Variants in VAV3 observed in about 807,000 individuals in gnomAD.
VAV3 encodes the protein vav guanine nucleotide exchange factor 3.
VAV3 carries 94 observed loss-of-function variants against 131.2 expected under a neutral mutation model. The ratio of observed to expected loss-of-function variants is 0.72; its 90% CI spans 0.61 to 0.85. The LOEUF (loss-of-function observed/expected upper bound fraction) is 0.85. Among genes scored for constraint, VAV3 ranks in the 40% least tolerant of loss-of-function variants. VAV3 has a pLI of 0.00. For synonymous variants in VAV3, 349 were observed against 342.0 expected (o/e 1.02, Z -0.22); for missense variants, 939 against 1,002.7 (o/e 0.94, Z 0.86).
chr1:107,957,623 G>C (rs1436937944), intron 1 of VAV3, among the ~76,000 whole-genome samples: 1 of 152,006 alleles, frequency 6.6e-6, no homozygotes, highest in East Asian at 1.9e-4. Flanking sequence ...TTTCAATAAA[G>C]AGAAGCCAGC....
intron 8 of VAV3, 143 bp from the exon 9 acceptor site, chr1:107,765,318 CAT>C: frequency 1.5e-6 from 1 of 659,220 alleles, no homozygotes; most frequent in Non-Finnish European, 2.7e-6. Context: ...ATACATACCA[CAT>C]ACACAGTCAT....
chr1:107,943,134 T>C (rs893645430), intron 1 of VAV3, among the ~76,000 whole-genome samples: 1 of 152,216 alleles, frequency 6.6e-6, no homozygotes, highest in Non-Finnish European at 1.5e-5. Flanking sequence ...CCAGATCTCC[T>C]ACTCTTAGAG....
At position 107,791,056 on chromosome 1, in the gene VAV3, T is replaced by C. The variant is rs188052583; in HGVS notation, c.322-11564A>G. 1.2e-4 allele frequency among the ~76,000 whole-genome samples: 18 copies of C among 152,238 alleles called. No individual in the cohort carries two copies. In the East Asian group the frequency reaches 3.5e-3, roughly 29 times the overall value. Reference sequence around the variant, plus strand: ...AAACAGGGAAAGATGCTGAGTTCTATACATCGATAGTCTCACCAAAGTTTG... The same window carrying C: ...AAACAGGGAAAGATGCTGAGTTCTACACATCGATAGTCTCACCAAAGTTTG... On this transcript the variant is annotated intron_variant, in intron 2 of 26. Transcript: ENST00000370056.
intron 19 of VAV3, 43 bp downstream of exon 19, chr1:107,683,443 ACT>A (rs1409586119): frequency 6.2e-7 from 1 of 1,606,906 alleles, no homozygotes; most frequent in Admixed American, 1.7e-5. Context: ...TTTCATAAGC[ACT>A]TAGCTGAAGC....
chr1:107,871,541 T>G (rs1293257972), intron 2 of VAV3, among the ~76,000 whole-genome samples: 1 of 152,082 alleles, frequency 6.6e-6, no homozygotes, highest in Admixed American at 6.6e-5. Context: ...CAAACTGTTC[T>G]AATTTTTGTT....
chr1:107,754,867 G>A (rs1484512769), intron 12 of VAV3, among the ~76,000 whole-genome samples: 1 of 152,154 alleles, frequency 6.6e-6, no homozygotes, highest in African/African-American at 2.4e-5. Flanking sequence ...CTAGGTCTCA[G>A]TTCAAATGAC....
intron 1 of VAV3, among the ~76,000 whole-genome samples, chr1:107,894,961 A>G (rs1436764373): frequency 6.6e-6 from 1 of 152,178 alleles, no homozygotes; most frequent in African/African-American, 2.4e-5. Flanking sequence ...AAGGTGCTAT[A>G]AATTGTTTAC....
intron 2 of VAV3, among the ~76,000 whole-genome samples, chr1:107,806,343 C>G (rs766593312): frequency 1.3e-5 from 2 of 152,016 alleles, no homozygotes; most frequent in Non-Finnish European, 2.9e-5. Flanking sequence ...AAGTTATAGT[C>G]TACCATCTGC....
intron 2 of VAV3, among the ~76,000 whole-genome samples, chr1:107,852,617 T>A (rs1669276245): frequency 6.6e-6 from 1 of 152,226 alleles, no homozygotes; most frequent in South Asian, 2.1e-4. Flanking sequence ...TTTATGAAGT[T>A]CTGAAAACTC....
chr1:107,870,005 G>A (rs528961973), intron 2 of VAV3, among the ~76,000 whole-genome samples: 15 of 152,110 alleles, frequency 9.9e-5, no homozygotes, highest in Middle Eastern at 3.4e-3. Flanking sequence ...GTAGTATTCC[G>A]TCATATATAC....
chr1:107,757,426 T>A, intron 10 of VAV3, 97 bp from the exon 11 acceptor site: 1 of 1,057,894 alleles, frequency 9.5e-7, no homozygotes, highest in Non-Finnish European at 1.3e-6. Context: ...TTATTGGTTT[T>A]CTCTCTATAA....
chr1:107,908,203 A>G (rs1214686570), intron 1 of VAV3, among the ~76,000 whole-genome samples: 1 of 152,232 alleles, frequency 6.6e-6, no homozygotes, highest in African/African-American at 2.4e-5. Flanking sequence ...AAGTAAGAAC[A>G]CTGGAGAGAA....
intron 19 of VAV3, among the ~76,000 whole-genome samples, chr1:107,665,837 C>G (rs1475929050): frequency 4.6e-5 from 7 of 152,106 alleles, no homozygotes. Flanking sequence ...AATCACACAG[C>G]CAAAATGCAT....
intron 2 of VAV3, among the ~76,000 whole-genome samples, chr1:107,834,877 A>T (rs1452323209): frequency 1.3e-5 from 2 of 152,054 alleles, no homozygotes; most frequent in African/African-American, 2.4e-5. Flanking sequence ...TACTCTCACC[A>T]TGGACCTCTG....
At chr1:107,574,992 TGCGTGCGTGCGCGCGCGCGCGCGCAC>T (rs1255208661) in intron 25 of VAV3, among the ~76,000 whole-genome samples, 2 of 64,272 alleles carry the variant, frequency 3.1e-5, no homozygotes, top group African/African-American at 7.1e-5. Flanking sequence ...TGTGTGTGTG[TGCGTGCGTGCGCGCGCGCGCGCGCAC>T]ACGCGCGCGT....
At chr1:107,903,717 C>T (rs547662874) in intron 1 of VAV3, among the ~76,000 whole-genome samples, 2 of 152,146 alleles carry the variant, frequency 1.3e-5, no homozygotes, top group Admixed American at 6.5e-5. Flanking sequence ...ACTCCATCTA[C>T]CAGAAATTCC....
At chr1:107,615,539 G>A (rs1326188129) in intron 21 of VAV3, among the ~76,000 whole-genome samples, 1 of 152,086 alleles carries the variant, frequency 6.6e-6, no homozygotes, top group African/African-American at 2.4e-5. Flanking sequence ...ATAGGACCCA[G>A]CAAAGATTTA....
chr1:107,719,208 G>T (rs1038354446), intron 15 of VAV3, among the ~76,000 whole-genome samples: 3 of 152,088 alleles, frequency 2.0e-5, no homozygotes, highest in African/African-American at 7.2e-5. Context: ...TAGACAAATG[G>T]GATCTAATTA....
chr1:107,807,248 C>A (rs889766195), intron 2 of VAV3, among the ~76,000 whole-genome samples: 4 of 152,276 alleles, frequency 2.6e-5, no homozygotes, highest in Admixed American at 6.5e-5. Flanking sequence ...TCAAATATTT[C>A]ATTTAAAATA....
Sources: gnomAD v4.1 joint callset for allele counts (sites outside exome capture counted in the v4.1 genomes callset) on GRCh38, gnomAD v4.1.1 for gene constraint, MANE v1.5 for transcripts, NCBI Gene and HGNC (gene_info 2026-07-23, HGNC 2026-07-21) for gene names.